The following SORCS1 variants were observed in gnomAD, a reference collection of about 807,000 sequenced individuals.
SORCS1 encodes sortilin related VPS10 domain containing receptor 1, also known as VPS10 domain-containing receptor SorCS1.
Under a neutral mutation model 146.1 loss-of-function variants are expected in SORCS1, and 60 were observed. The observed-to-expected ratio is 0.41, with a 90% CI of 0.33 to 0.51. The LOEUF (loss-of-function observed/expected upper bound fraction) is 0.51. SORCS1 is among the 20% of genes least tolerant of loss of function. The pLI is 0.21. For missense variants in SORCS1, 1,352 were observed against 1,487.6 expected, an observed-to-expected ratio of 0.91 and a Z score of 1.50; for synonymous variants, 637 against 584.0, an observed-to-expected ratio of 1.09 and a Z score of -1.31.
chr10:107,022,917 A>G (rs1958209584), intron 1 of SORCS1, among the ~76,000 whole-genome samples: 1 of 152,216 alleles, frequency 6.6e-6, no homozygotes, highest in Non-Finnish European at 1.5e-5. Flanking sequence ...CTACAGCACA[A>G]CACACTTGAG....
chr10:106,889,747 TA>T (rs1951150708), intron 2 of SORCS1, among the ~76,000 whole-genome samples: 1 of 151,656 alleles, frequency 6.6e-6, no homozygotes, highest in Non-Finnish European at 1.5e-5. Flanking sequence ...AAAGTACAAA[TA>T]AATTGGTCGG....
At chr10:106,840,357 C>T (rs541156865) in intron 2 of SORCS1, among the ~76,000 whole-genome samples, 13 of 152,278 alleles carry the variant, frequency 8.5e-5, no homozygotes, top group Admixed American at 7.2e-4. Context: ...AGTAACTGTA[C>T]ATGTGGTGAC....
chr10:106,941,334 T>G (rs1317039426), intron 2 of SORCS1, among the ~76,000 whole-genome samples: 3 of 152,176 alleles, frequency 2.0e-5, no homozygotes, highest in Admixed American at 1.3e-4. Context: ...ACACTCAACA[T>G]CAGTGTCACC....
intron 3 of SORCS1, among the ~76,000 whole-genome samples, chr10:106,795,917 T>C (rs1246666174): frequency 6.6e-6 from 1 of 152,190 alleles, no homozygotes; most frequent in Non-Finnish European, 1.5e-5. Flanking sequence ...TTCATCATGG[T>C]CAAATGCTGA....
the SORCS1 span, among the ~76,000 whole-genome samples, chr10:107,175,963 G>T: frequency 6.6e-6 from 1 of 151,892 alleles, no homozygotes; most frequent in South Asian, 2.1e-4. Flanking sequence ...AGTTTATCAG[G>T]TTTATTAATT....
intron 2 of SORCS1, among the ~76,000 whole-genome samples, chr10:106,835,579 C>T (rs372427876): frequency 6.6e-6 from 1 of 152,140 alleles, no homozygotes; most frequent in African/African-American, 2.4e-5. Context: ...AGGATATGTG[C>T]TAGTAGTTTT....
chr10:107,075,754 C>A (rs150503859), intron 1 of SORCS1, among the ~76,000 whole-genome samples: 3 of 152,176 alleles, frequency 2.0e-5, no homozygotes, highest in African/African-American at 7.2e-5. Context: ...GAAACCTATT[C>A]TTCAATCATT....
At position 106,629,220 on chromosome 10, in the gene SORCS1, G is replaced by C. The variant is rs756991314; in HGVS notation, c.2644C>G (p.Leu882Val). The C allele has an allele frequency of 6.2e-7, 1 of 1,613,906 alleles. No individual in the cohort carries two copies. The highest frequency in any genetic ancestry group is 1.1e-5 in the South Asian group (1 of 91,022). The change falls in exon 19 of 26, where the codon CTG becomes GTG. Residue 882 changes from leucine to valine, a missense_variant. Physicochemically the swap from Leu to Val is conservative, Grantham distance 32 (BLOSUM62 1). Coordinates refer to ENST00000263054, the MANE Select transcript of SORCS1 (RefSeq NM_052918.5). ...AACATACAAGTTACATGTAAGTACA[G>C]GACGGCGCTGTCAGAACCCAGACTG... is the stretch of plus-strand genomic sequence containing the variant. Reference protein sequence around the residue: ...DNSLGSDSAVLYLHVTCPLEH... With the variant: ...DNSLGSDSAVVYLHVTCPLEH...
At chr10:106,774,050 A>G (rs1357618322) in intron 4 of SORCS1, among the ~76,000 whole-genome samples, 1 of 152,212 alleles carries the variant, frequency 6.6e-6, no homozygotes, top group Non-Finnish European at 1.5e-5. Context: ...TCCCTTTGAG[A>G]AAATGTGTTA....
intron 3 of SORCS1, among the ~76,000 whole-genome samples, chr10:106,819,260 CTG>C (rs1231477071): frequency 6.6e-6 from 1 of 152,182 alleles, no homozygotes; most frequent in African/African-American, 2.4e-5. Context: ...GAGGAGGAAA[CTG>C]TGTCATGCAG....
intron 4 of SORCS1, among the ~76,000 whole-genome samples, chr10:106,762,386 C>CTTTTTTTTTTTTTTTTTTTT (rs869195563): frequency 1.4e-5 from 1 of 73,828 alleles, no homozygotes; most frequent in Non-Finnish European, 2.4e-5. Context: ...TTTTATTATT[C>CTTTTTTTTTTTTTTTTTTTT]TTTTTTTTTT....
rs374253308 is a variant in SORCS1 at position 106,873,048 on chromosome 10, C to T, written c.627-43375G>A. Among the ~76,000 whole-genome samples, 38 of 152,182 alleles carry T rather than the reference C, an allele frequency of 2.5e-4. No homozygotes were observed. In the East Asian group the frequency reaches 7.2e-3, roughly 29 times the overall value. On this transcript the variant is annotated intron_variant, in intron 2 of 25. Transcript: ENST00000263054. ...AATTAGCCAGGCGTGGTGGCAAGCA[C>T]CTGTAGTCCCAGCTACTTGGGAGGC...
At chr10:106,938,159 G>A (rs1953848219) in intron 2 of SORCS1, among the ~76,000 whole-genome samples, 2 of 152,052 alleles carry the variant, frequency 1.3e-5, no homozygotes, top group African/African-American at 4.8e-5. Flanking sequence ...GGCAGGGAGT[G>A]TCAAATCAAT....
intron 8 of SORCS1, among the ~76,000 whole-genome samples, chr10:106,703,353 C>A (rs1197235890): frequency 1.3e-5 from 2 of 152,104 alleles, no homozygotes; most frequent in Non-Finnish European, 2.9e-5. Context: ...TAGATCCATA[C>A]TAATAATAAT....
intron 23 of SORCS1, among the ~76,000 whole-genome samples, chr10:106,602,779 TATTTTTGTA>T (rs1846330506): frequency 6.6e-6 from 1 of 152,182 alleles, no homozygotes; most frequent in Admixed American, 6.5e-5. Context: ...AACTCCAGAG[TATTTTTGTA>T]ATTTGACTCC....
At chr10:107,111,886 C>T (rs1387498426) in intron 1 of SORCS1, among the ~76,000 whole-genome samples, 1 of 152,168 alleles carries the variant, frequency 6.6e-6, no homozygotes, top group African/African-American at 2.4e-5. Context: ...GACATCTCAA[C>T]AGAAGCCTTT....
intron 24 of SORCS1, among the ~76,000 whole-genome samples, chr10:106,587,622 A>G (rs1182406357): frequency 2.0e-5 from 3 of 152,244 alleles, no homozygotes; most frequent in African/African-American, 7.2e-5. Context: ...GGAAATATTA[A>G]TTCTCTAATA....
At chr10:106,624,836 G>A (rs898770232) in intron 19 of SORCS1, among the ~76,000 whole-genome samples, 16 of 152,022 alleles carry the variant, frequency 1.1e-4, no homozygotes, top group African/African-American at 2.7e-4. Context: ...TACTTTTCAC[G>A]GGTTTAAAAT....
At chr10:106,830,399 A>T (rs530812026) in intron 2 of SORCS1, among the ~76,000 whole-genome samples, 1 of 152,172 alleles carries the variant, frequency 6.6e-6, no homozygotes, top group Admixed American at 6.5e-5. Flanking sequence ...TTATATCATC[A>T]TGACAACTAT....
Sources: allele counts gnomAD v4.1 joint callset (sites outside exome capture counted in the v4.1 genomes callset), GRCh38; gene constraint gnomAD v4.1.1; transcripts MANE v1.5; gene names NCBI Gene and HGNC (gene_info 2026-07-23, HGNC 2026-07-21).